The following ADAMTS16 variants were observed in gnomAD, a reference collection of about 807,000 sequenced individuals.
ADAMTS16 encodes the protein A disintegrin and metalloproteinase with thrombospondin motifs 16.
A neutral mutation model predicts 145.8 loss-of-function variants in ADAMTS16; 94 were observed. The observed-to-expected ratio is 0.64, with a 90% confidence interval of 0.55 to 0.77. The LOEUF is 0.77. Ranked by LOEUF, ADAMTS16 falls within the 30% of genes least tolerant of loss-of-function variation. ADAMTS16 has a pLI of 0.00. For synonymous variants in ADAMTS16, 659 were observed against 604.3 expected (o/e 1.09, Z -1.33); for missense variants, 1,585 against 1,591.5 (o/e 1.00, Z 0.07).
intron 18 of ADAMTS16, among the ~76,000 whole-genome samples, chr5:5,297,849 C>T (rs769394613): frequency 6.6e-6 from 1 of 152,222 alleles, no homozygotes; most frequent in African/African-American, 2.4e-5. Flanking sequence ...GTGTCTGTGT[C>T]TGGCTCATTG....
chr5:5,298,850 T>G (rs1016905792), intron 18 of ADAMTS16, among the ~76,000 whole-genome samples: 7 of 152,238 alleles, frequency 4.6e-5, no homozygotes, highest in African/African-American at 4.8e-5. Flanking sequence ...CCATTGAGTC[T>G]GCAGTGTGTG....
At chr5:5,306,788 G>C in intron 21 of ADAMTS16, 60 bp downstream of exon 21, 1 of 1,449,546 alleles carries the variant, frequency 6.9e-7, no homozygotes, top group Non-Finnish European at 9.3e-7. Flanking sequence ...GGGGTTGGCC[G>C]CTGGCTCCCG....
chr5:5,274,687 T>TATATACATATATATAC (rs1198132521), intron 18 of ADAMTS16, among the ~76,000 whole-genome samples: 1 of 148,938 alleles, frequency 6.7e-6, no homozygotes, highest in Non-Finnish European at 1.5e-5. Context: ...TATATATACA[T>TATATACATATATATAC]ATATACATAT....
intron 2 of ADAMTS16, 94 bp from the exon 3 acceptor site, chr5:5,146,036 G>C: frequency 9.2e-7 from 1 of 1,092,320 alleles, no homozygotes; most frequent in Non-Finnish European, 1.3e-6. Flanking sequence ...TGGGTGGAAA[G>C]GTCATGTGGT....
chr5:5,213,856 C>T (rs1346401592), intron 10 of ADAMTS16, among the ~76,000 whole-genome samples: 1 of 152,226 alleles, frequency 6.6e-6, no homozygotes, highest in Admixed American at 6.5e-5. Context: ...CTGGAATCTC[C>T]TATGTGGCAG....
intron 18 of ADAMTS16, among the ~76,000 whole-genome samples, chr5:5,292,779 C>T (rs1411406923): frequency 6.6e-6 from 1 of 152,146 alleles, no homozygotes; most frequent in African/African-American, 2.4e-5. Flanking sequence ...TGTTGACTTC[C>T]TGCACAGCCT....
At position 5,303,475 on chromosome 5, in the gene ADAMTS16, C is replaced by T. The variant is rs1459211870; in HGVS notation, c.2991+6C>T. On this transcript the variant is annotated splice_donor_region_variant and intron_variant, in intron 19 of 22. Transcript: ENST00000274181. ...GCGCCGGGCCCTGGGCAGAGGTAAC[C>T]AGGGTGGGGTTGGCATGGGTGGCAG... The T allele has an allele frequency of 6.2e-7, 1 of 1,609,348 alleles. No homozygotes were observed. Among genetic ancestry groups the T allele is most frequent in the Non-Finnish European group, 8.5e-7 (1 of 1,176,870 alleles).
At chr5:5,246,552 G>A (rs897507891) in intron 17 of ADAMTS16, among the ~76,000 whole-genome samples, 5 of 152,170 alleles carry the variant, frequency 3.3e-5, no homozygotes, top group African/African-American at 1.2e-4. Flanking sequence ...GTCAGCATAT[G>A]CTTGGGTGTT....
intron 17 of ADAMTS16, 34 bp downstream of exon 17, chr5:5,242,225 C>T (rs531061634): frequency 1.9e-6 from 3 of 1,608,934 alleles, no homozygotes; most frequent in South Asian, 2.2e-5. Flanking sequence ...CTGGAGGCAG[C>T]ATGTCAGCCT....
At chr5:5,200,941 T>G (rs1420511469) in intron 9 of ADAMTS16, among the ~76,000 whole-genome samples, 2 of 152,216 alleles carry the variant, frequency 1.3e-5, no homozygotes, top group Non-Finnish European at 2.9e-5. Context: ...ATGAGGAACT[T>G]TATGAAACGT....
intron 10 of ADAMTS16, among the ~76,000 whole-genome samples, chr5:5,214,341 G>A (rs1736365528): frequency 6.6e-6 from 1 of 152,164 alleles, no homozygotes; most frequent in Non-Finnish European, 1.5e-5. Flanking sequence ...CATAATGTCA[G>A]ATCATTCCTT....
chr5:5,201,721 T>A (rs182466556), intron 9 of ADAMTS16, among the ~76,000 whole-genome samples: 32 of 152,270 alleles, frequency 2.1e-4, no homozygotes, highest in Admixed American at 1.4e-3. Context: ...GTCCCCAGGC[T>A]AGGAAACGAG....
At chr5:5,264,833 G>A (rs1415813109) in intron 18 of ADAMTS16, among the ~76,000 whole-genome samples, 1 of 152,200 alleles carries the variant, frequency 6.6e-6, no homozygotes, top group Admixed American at 6.5e-5. Context: ...TGAGGCATGG[G>A]ACACCCTCTG....
intron 3 of ADAMTS16, among the ~76,000 whole-genome samples, chr5:5,173,724 C>T (rs1034509754): frequency 1.3e-5 from 2 of 152,112 alleles, no homozygotes; most frequent in African/African-American, 2.4e-5. Flanking sequence ...CTGCCTGCCT[C>T]GGCCTCCCAA....
chr5:5,270,553 G>A (rs1404288910), intron 18 of ADAMTS16, among the ~76,000 whole-genome samples: 1 of 152,174 alleles, frequency 6.6e-6, no homozygotes, highest in African/African-American at 2.4e-5. Context: ...ATTCACAACA[G>A]TTATGAATTT....
chr5:5,185,587 C>A (rs1735473131), intron 4 of ADAMTS16, among the ~76,000 whole-genome samples: 1 of 152,132 alleles, frequency 6.6e-6, no homozygotes, highest in South Asian at 2.1e-4. Context: ...AGTTATGTGT[C>A]CAGACATTGA....
chr5:5,244,515 G>A lies in ADAMTS16; in HGVS notation c.2662+2324G>A, dbSNP rs116507056. Among the ~76,000 whole-genome samples the A allele has an allele frequency of 4.9e-3, 746 of 152,258 alleles. 7 individuals are homozygous for A. The highest frequency in any genetic ancestry group is 0.017 in the African/African-American group (693 of 41,554). On this transcript the variant is annotated intron_variant, in intron 17 of 22. Coordinates refer to ENST00000274181, the MANE Select transcript of ADAMTS16 (RefSeq NM_139056.4). ...CATGCTCCTTAGAAATTTTGAACAA[G>A]CCTTTCATGTCTGTGAAGTTTAAAG...
intron 9 of ADAMTS16, among the ~76,000 whole-genome samples, chr5:5,200,949 C>T (rs1451039585): frequency 1.3e-5 from 2 of 152,264 alleles, no homozygotes; most frequent in Non-Finnish European, 2.9e-5. Flanking sequence ...CTTTATGAAA[C>T]GTTCTTAGAA....
intron 18 of ADAMTS16, among the ~76,000 whole-genome samples, chr5:5,284,058 T>C (rs1739026343): frequency 1.3e-5 from 2 of 152,258 alleles, no homozygotes; most frequent in Admixed American, 1.3e-4. Context: ...TTTACTTTTC[T>C]TTTATAGCTT....
Sources: gnomAD v4.1 joint callset for allele counts (sites outside exome capture counted in the v4.1 genomes callset) on GRCh38, gnomAD v4.1.1 for gene constraint, MANE v1.5 for transcripts, NCBI Gene and HGNC (gene_info 2026-07-23, HGNC 2026-07-21) for gene names.